Variants in CACNB2 observed in about 807,000 individuals in gnomAD.
The protein encoded by CACNB2 is calcium voltage-gated channel auxiliary subunit beta 2, also known as voltage-dependent L-type calcium channel subunit beta-2.
In CACNB2, 42 loss-of-function variants were observed where a neutral mutation model predicts 73.3. The observed-to-expected ratio is 0.57, with a 90% CI of 0.45 to 0.74. CACNB2 has a LOEUF of 0.74. CACNB2 is among the 30% of genes least tolerant of loss of function. The probability of loss-of-function intolerance (pLI) is 0.00; values close to 1 mark genes in which losing one functional copy is unlikely to be tolerated. For synonymous variants in CACNB2, 348 were observed against 310.3 expected, an observed-to-expected ratio of 1.12 and a Z score of -1.28; for missense variants, 940 against 853.0, an observed-to-expected ratio of 1.10 and a Z score of -1.27.
At chr10:18,143,786 T>C (rs1324443791) in intron 1 of CACNB2, among the ~76,000 whole-genome samples, 1 of 152,172 alleles carries the variant, frequency 6.6e-6, no homozygotes, top group East Asian at 1.9e-4. Context: ...TCAGAATTAT[T>C]GGGCAGTTCT....
At chr10:18,202,484 C>T (rs967880045) in intron 2 of CACNB2, among the ~76,000 whole-genome samples, 3 of 152,166 alleles carry the variant, frequency 2.0e-5, no homozygotes, top group Non-Finnish European at 4.4e-5. Context: ...TAAGTATCAG[C>T]TCATCTGTTT....
intron 2 of CACNB2, among the ~76,000 whole-genome samples, chr10:18,187,528 G>A (rs1012285936): frequency 1.3e-5 from 2 of 152,004 alleles, no homozygotes; most frequent in South Asian, 4.1e-4. Flanking sequence ...GAAAAAGAAA[G>A]GATTCTTTTT....
chr10:18,536,588 A>G (rs2053627290), intron 12 of CACNB2, among the ~76,000 whole-genome samples: 1 of 152,110 alleles, frequency 6.6e-6, no homozygotes, highest in Non-Finnish European at 1.5e-5. Flanking sequence ...TTTGAAAAAA[A>G]CAGTCAAACA....
At position 18,380,452 on chromosome 10, in the gene CACNB2, C is replaced by CTTT. The variant is rs757792853; in HGVS notation, c.214-21454_214-21452dup. On this transcript the variant is annotated intron_variant, in intron 2 of 13. Coordinates refer to ENST00000324631, the MANE Select transcript of CACNB2 (RefSeq NM_201596.3). ...TTGCTAACTTGAAACATGTGTTTTT[C>CTTT]TTTTTTTTTTTTTTTTTTTTGAGAT... 7.2e-4 allele frequency among the ~76,000 whole-genome samples: 80 copies of CTTT among 111,010 alleles called. 1 individual carries two copies. The highest frequency in any genetic ancestry group is 9.6e-4 in the East Asian group (3 of 3,136). 72.8% of individuals were successfully genotyped at this position (111,010 alleles called of 152,430 possible).
At chr10:18,247,418 A>G (rs931285122) in intron 2 of CACNB2, among the ~76,000 whole-genome samples, 1 of 152,248 alleles carries the variant, frequency 6.6e-6, no homozygotes, top group African/African-American at 2.4e-5. Flanking sequence ...AAGCCAAAAT[A>G]GAACCAAGAG....
chr10:18,381,335 T>G (rs541735621), intron 2 of CACNB2, among the ~76,000 whole-genome samples: 1 of 151,956 alleles, frequency 6.6e-6, no homozygotes, highest in Non-Finnish European at 1.5e-5. Context: ...TAAAACCATT[T>G]GGTAATATAC....
chr10:18,370,817 T>C (rs2042548736), intron 2 of CACNB2, among the ~76,000 whole-genome samples: 1 of 152,204 alleles, frequency 6.6e-6, no homozygotes, highest in Admixed American at 6.5e-5. Flanking sequence ...TTAGGTTGTT[T>C]TACACATACA....
At chr10:18,143,446 G>A (rs1048856845) in intron 1 of CACNB2, among the ~76,000 whole-genome samples, 2 of 152,290 alleles carry the variant, frequency 1.3e-5, no homozygotes, top group Non-Finnish European at 2.9e-5. Flanking sequence ...AAAGGAGAGA[G>A]AAGAGAAAGG....
intron 2 of CACNB2, among the ~76,000 whole-genome samples, chr10:18,380,306 A>T (rs1163582755): frequency 6.6e-6 from 1 of 152,130 alleles, no homozygotes; most frequent in Non-Finnish European, 1.5e-5. Context: ...AAAAGGTCTT[A>T]TTGGTTGAAA....
In CACNB2 at chr10:18,140,706, G is replaced by T; in HGVS notation, c.-31G>T. 6.4e-7 allele frequency: 1 copy of T among 1,574,132 alleles called. No individual in the cohort carries two copies. Among genetic ancestry groups the T allele is most frequent in the East Asian group, 2.3e-5 (1 of 43,584 alleles). Reference sequence around the variant, plus strand: ...AGGAGGGGACCCGCCGCCGGGGGCTGGCTGCTTCGCTCCGAGCCGACTTTT... The same window carrying T: ...AGGAGGGGACCCGCCGCCGGGGGCTTGCTGCTTCGCTCCGAGCCGACTTTT... On this transcript the variant is annotated 5_prime_UTR_variant, in exon 1 of 14. Transcript: ENST00000324631.
intron 2 of CACNB2, among the ~76,000 whole-genome samples, chr10:18,371,451 T>C (rs953199882): frequency 1.3e-5 from 2 of 152,058 alleles, no homozygotes; most frequent in African/African-American, 4.8e-5. Context: ...AGTGAGAACA[T>C]GTGGTGTTTG....
At chr10:18,275,636 A>C (rs1424866817) in intron 2 of CACNB2, among the ~76,000 whole-genome samples, 1 of 152,178 alleles carries the variant, frequency 6.6e-6, no homozygotes, top group Non-Finnish European at 1.5e-5. Flanking sequence ...AAAAAAAGAA[A>C]AATAAAATTT....
At chr10:18,312,407 A>G (rs1469997386) in intron 2 of CACNB2, among the ~76,000 whole-genome samples, 1 of 152,242 alleles carries the variant, frequency 6.6e-6, no homozygotes, top group Non-Finnish European at 1.5e-5. Context: ...GCTTTTAATT[A>G]TAAATTTTTC....
At chr10:18,206,228 G>A (rs1404794398) in intron 2 of CACNB2, 1 of 152,468 alleles carries the variant, frequency 6.6e-6, no homozygotes, top group Non-Finnish European at 1.5e-5. Context: ...CTGACCTCAG[G>A]TGATTCACCC....
At chr10:18,400,282 G>T (rs2043924151) in intron 2 of CACNB2, among the ~76,000 whole-genome samples, 1 of 152,152 alleles carries the variant, frequency 6.6e-6, no homozygotes, top group Non-Finnish European at 1.5e-5. Context: ...GAACCTCCTT[G>T]TGGTATAGGA....
chr10:18,235,056 T>C (rs918071473), intron 2 of CACNB2, among the ~76,000 whole-genome samples: 25 of 149,162 alleles, frequency 1.7e-4, no homozygotes, highest in African/African-American at 6.2e-4. Flanking sequence ...GGCAGGAGAA[T>C]GGCATGAACC....
At chr10:18,403,238 G>T (rs1237491141) in intron 3 of CACNB2, among the ~76,000 whole-genome samples, 1 of 152,170 alleles carries the variant, frequency 6.6e-6, no homozygotes, top group East Asian at 1.9e-4. Flanking sequence ...ACTGGACGTG[G>T]CCCAGTTGCC....
At chr10:18,297,865 T>C (rs535285659) in intron 2 of CACNB2, among the ~76,000 whole-genome samples, 22 of 152,294 alleles carry the variant, frequency 1.4e-4, no homozygotes, top group Admixed American at 1.3e-3. Flanking sequence ...GCAGCGCAAA[T>C]GTGCTTCCTC....
intron 2 of CACNB2, among the ~76,000 whole-genome samples, chr10:18,165,602 G>T (rs190855624): frequency 8.5e-4 from 129 of 152,326 alleles, no homozygotes; most frequent in South Asian, 3.1e-3. Flanking sequence ...AATAGAGACA[G>T]TGTCTCACCA....
Sources: gnomAD v4.1 joint callset for allele counts (sites outside exome capture counted in the v4.1 genomes callset) on GRCh38, gnomAD v4.1.1 for gene constraint, MANE v1.5 for transcripts, NCBI Gene and HGNC (gene_info 2026-07-23, HGNC 2026-07-21) for gene names.